The following DENND2A variants were observed in gnomAD, a reference collection of about 807,000 sequenced individuals.
DENND2A encodes DENN domain containing 2A.
DENND2A carries 53 observed loss-of-function variants against 105.3 expected under a neutral mutation model. That is an observed-to-expected ratio of 0.50 (90% CI 0.40 to 0.63). DENND2A has a LOEUF of 0.63. DENND2A is among the 30% of genes least tolerant of loss of function. The pLI, the probability that DENND2A is intolerant of heterozygous loss-of-function variation, is 0.00. For missense variants in DENND2A, 1,138 were observed against 1,279.6 expected (o/e 0.89, Z 1.69); for synonymous variants, 522 against 508.4 (o/e 1.03, Z -0.36).
chr7:140,567,136 G>T lies in DENND2A; in HGVS notation c.1729C>A (p.Gln577Lys), dbSNP rs1797871346. 1 of 1,611,092 alleles carries T rather than the reference G, an allele frequency of 6.2e-7. No individual in the cohort carries two copies. The highest frequency in any genetic ancestry group is 8.5e-7 in the Non-Finnish European group (1 of 1,178,762). Residue 577 changes from glutamine (Q) to lysine (K), a missense_variant, in exon 9 of 20, where the codon CAG becomes AAG. Coordinates refer to ENST00000496613, the MANE Select transcript of DENND2A (RefSeq NM_015689.5). The part of the protein sequence containing the change: ...YFVVVSLHKK[Q>K]AGAAYVPELT... ...TCTGGCACGTAGGCAGCCCCGGCCTGCTTCTTGTGCAAAGACACAACCACA... is the reference window on the plus strand; with the variant it reads ...TCTGGCACGTAGGCAGCCCCGGCCTTCTTCTTGTGCAAAGACACAACCACA...
intron 1 of DENND2A, among the ~76,000 whole-genome samples, chr7:140,607,768 A>G (rs552032931): frequency 2.8e-4 from 43 of 152,176 alleles, no homozygotes; most frequent in African/African-American, 1.0e-3. Context: ...GCCCCTCCCC[A>G]CCACCGCCAC....
chr7:140,629,858 C>CT (rs551954045), intron 1 of DENND2A, among the ~76,000 whole-genome samples: 3,114 of 138,286 alleles, frequency 0.023, 77 homozygotes, highest in African/African-American at 0.059. Context: ...CTTTCTCTCT[C>CT]TTTTTTTTTT....
At chr7:140,617,020 G>C (rs1223240175) in intron 1 of DENND2A, among the ~76,000 whole-genome samples, 1 of 152,168 alleles carries the variant, frequency 6.6e-6, no homozygotes, top group East Asian at 1.9e-4. Flanking sequence ...ACCACGCCCA[G>C]CTGAATTTTG....
rs777789241 is a variant in DENND2A, at chr7:140,555,711, A to C, written c.1962T>G (p.Pro654=). The part of the protein sequence containing the change: ...RRFGYCRRLL[P]GGKGKRLPEV... ...CAGGAAGGCGCTTCCCTTTGCCTCCAGGCTTTTCGGAGAGAAACACAAGGG... is the reference window on the plus strand; with the variant it reads ...CAGGAAGGCGCTTCCCTTTGCCTCCCGGCTTTTCGGAGAGAAACACAAGGG... The change falls in exon 12 of 20, where the codon CCT becomes CCG. Residue 654 remains proline, a splice_region_variant and synonymous_variant. Transcript: ENST00000496613. 2 of 1,599,982 alleles carry C rather than the reference A, an allele frequency of 1.3e-6. No individual in the cohort carries two copies. Among genetic ancestry groups the C allele is most frequent in the Non-Finnish European group, 1.7e-6 (2 of 1,176,288 alleles).
chr7:140,525,088 G>GAGGTGGGA (rs1283214264), intron 16 of DENND2A, among the ~76,000 whole-genome samples: 5 of 151,222 alleles, frequency 3.3e-5, no homozygotes, highest in African/African-American at 1.2e-4. Flanking sequence ...TGAGGAGACT[G>GAGGTGGGA]AGGTGGGAAG....
At chr7:140,623,294 G>A (rs1353354881) in intron 1 of DENND2A, among the ~76,000 whole-genome samples, 6 of 136,838 alleles carry the variant, frequency 4.4e-5, no homozygotes, top group Admixed American at 2.4e-4. Context: ...CAGCCTGGGC[G>A]ACACAGCGAG....
At chr7:140,561,941 G>A (rs1414937385) in intron 9 of DENND2A, among the ~76,000 whole-genome samples, 1 of 151,786 alleles carries the variant, frequency 6.6e-6, no homozygotes, top group Non-Finnish European at 1.5e-5. Flanking sequence ...CGAGGCTGGA[G>A]TGAAATGCTG....
intron 4 of DENND2A, among the ~76,000 whole-genome samples, chr7:140,587,348 A>T (rs1186886964): frequency 2.0e-5 from 3 of 152,176 alleles, no homozygotes; most frequent in Non-Finnish European, 2.9e-5. Flanking sequence ...CAGCAGAACC[A>T]AGATGTGGTT....
intron 1 of DENND2A, among the ~76,000 whole-genome samples, chr7:140,619,309 T>G (rs533496019): frequency 6.6e-6 from 1 of 152,170 alleles, no homozygotes; most frequent in Admixed American, 6.5e-5. Context: ...AATTAAATTA[T>G]GTTTAAGAAG....
intron 5 of DENND2A, among the ~76,000 whole-genome samples, chr7:140,583,725 C>A (rs576646346): frequency 2.7e-5 from 4 of 147,440 alleles, no homozygotes; most frequent in Non-Finnish European, 3.0e-5. Context: ...GTCAGGAGAT[C>A]GAGACCATCC....
chr7:140,527,223 G>T lies in DENND2A; in HGVS notation c.2505+95C>A. ...CACGCCCTGCTCCCCAACACTGCTG[G>T]CTCTGAGAACCGCTCCATGATGCCT... is the stretch of plus-strand genomic sequence containing the variant. On this transcript the variant is annotated intron_variant, in intron 15 of 19. Coordinates refer to ENST00000496613, the MANE Select transcript of DENND2A (RefSeq NM_015689.5). The surrounding 1 kb of genome is among the most constrained non-coding windows in gnomAD (Gnocchi z 4.9). 7.4e-7 allele frequency: 1 copy of T among 1,350,142 alleles called. No individual in the cohort carries two copies. The highest frequency in any genetic ancestry group is 9.9e-7 in the Non-Finnish European group (1 of 1,012,402). The allele number at this position is 1,350,142 out of a possible 1,614,324, so 83.6% of individuals were successfully genotyped here.
chr7:140,613,682 A>C (rs529645939), intron 1 of DENND2A, among the ~76,000 whole-genome samples: 1,732 of 149,558 alleles, frequency 0.012, 39 homozygotes, highest in African/African-American at 0.041. Flanking sequence ...AAAAAAAAAA[A>C]CAAACAAAAA....
At position 140,561,632 on chromosome 7, in the gene DENND2A, T is replaced by C. The variant is rs371215980; in HGVS notation, c.1780-1815A>G. Among the ~76,000 whole-genome samples, 99 of 150,640 alleles carry C rather than the reference T, an allele frequency of 6.6e-4. 3 individuals carry two copies. In the South Asian group the frequency reaches 0.021, roughly 31 times the overall value. ...GATTCTCCTGCCTCAGCCTCCCGAGTAGCTGGGATTACAGGCATGCACCAC... is the reference window on the plus strand; with the variant it reads ...GATTCTCCTGCCTCAGCCTCCCGAGCAGCTGGGATTACAGGCATGCACCAC... On this transcript the variant is annotated intron_variant, in intron 9 of 19. Coordinates refer to ENST00000496613, the MANE Select transcript of DENND2A (RefSeq NM_015689.5).
At chr7:140,520,245 G>A (rs2130445605) in intron 18 of DENND2A, among the ~76,000 whole-genome samples, 1 of 151,894 alleles carries the variant, frequency 6.6e-6, no homozygotes, top group East Asian at 1.9e-4. Context: ...GGCGGAGGTT[G>A]CAGTGAGCCA....
chr7:140,600,194 C>T (rs570635292), intron 3 of DENND2A, among the ~76,000 whole-genome samples: 2 of 151,602 alleles, frequency 1.3e-5, no homozygotes, highest in African/African-American at 4.8e-5. Context: ...TGGGTTTGGA[C>T]ACGTTAAGTA....
In DENND2A at chr7:140,601,786, G is replaced by C. The variant is rs777296975; in HGVS notation, c.612C>G (p.Asn204Lys). The C allele has an allele frequency of 1.5e-5, 24 of 1,614,086 alleles. No homozygotes were observed. The highest frequency in any genetic ancestry group is 2.0e-5 in the Non-Finnish European group (24 of 1,180,018). Residue 204 changes from asparagine (N) to lysine (K), a missense_variant, in exon 3 of 20, where the codon AAC (asparagine) becomes AAG (lysine). Around this residue, in one of 2 missense-constraint regions of DENND2A, gnomAD observed 511 missense variants for 499.9 expected, o/e 1.02. Transcript: ENST00000496613. ...KAEAGSTLPE[N>K]LGGGSGSEVS... The stretch of plus-strand genomic sequence containing the variant: ...CTTCTGAGCCACTCCCGCCTCCCAG[G>C]TTCTCAGGAAGGGTGGACCCTGCCT...
At chr7:140,617,365 T>A (rs533657671) in intron 1 of DENND2A, among the ~76,000 whole-genome samples, 2 of 152,204 alleles carry the variant, frequency 1.3e-5, no homozygotes, top group Non-Finnish European at 2.9e-5. Flanking sequence ...ACCAGGAGCA[T>A]CAACGGAGTA....
intron 14 of DENND2A, chr7:140,544,221 G>A: frequency 3.4e-6 from 1 of 293,426 alleles, no homozygotes; most frequent in Non-Finnish European, 6.6e-6. Context: ...AGGAGGGAAG[G>A]TCTCCCTCTG....
At position 140,637,531 on chromosome 7, in the gene DENND2A, C is replaced by A. The variant is rs543173241; in HGVS notation, c.-248+2973G>T. ...TGTGTTGTAGCAAACAAGATTTCCACCCTCCTGGGCCTCTCTGGTCTCCTG... is the reference window on the plus strand; with the variant it reads ...TGTGTTGTAGCAAACAAGATTTCCAACCTCCTGGGCCTCTCTGGTCTCCTG... On this transcript the variant is annotated intron_variant, in intron 1 of 19. Coordinates refer to ENST00000496613, the MANE Select transcript of DENND2A (RefSeq NM_015689.5). Among the ~76,000 whole-genome samples, 89 of 152,270 alleles carry A rather than the reference C, an allele frequency of 5.8e-4. 1 individual carries two copies. The South Asian group carries it at 0.018, about 31-fold the overall frequency.
Sources: allele counts gnomAD v4.1 joint callset (sites outside exome capture counted in the v4.1 genomes callset), GRCh38; gene constraint gnomAD v4.1.1; regional missense constraint gnomAD v4.1.1; non-coding constraint Gnocchi (gnomAD v3.1); transcripts MANE v1.5; gene names NCBI Gene and HGNC (gene_info 2026-07-23, HGNC 2026-07-21).